GPC4: variants seen among roughly 807,000 people sequenced by gnomAD.
The protein encoded by GPC4 is glypican-4.
A neutral mutation model predicts 35.0 loss-of-function variants in GPC4; 10 were observed. The observed-to-expected ratio is 0.29, with a 90% CI of 0.18 to 0.48. The LOEUF (loss-of-function observed/expected upper bound fraction) is 0.48. Ranked by LOEUF, GPC4 falls within the 20% of genes least tolerant of loss-of-function variation. GPC4 has a pLI of 0.99. For synonymous variants in GPC4, 167 were observed against 170.2 expected, an observed-to-expected ratio of 0.98 and a Z score of 0.15; for missense variants, 322 against 451.3, an observed-to-expected ratio of 0.71 and a Z score of 2.60.
chrX:133,356,133 C>T (rs1053910736), intron 1 of GPC4, among the ~76,000 whole-genome samples: 1 of 112,024 alleles, frequency 8.9e-6, no homozygotes, highest in African/African-American at 3.2e-5. Context: ...TTGTATGGCC[C>T]CTTCAAGTTT....
intron 1 of GPC4, chrX:133,414,548 G>A: frequency 1.3e-6 from 1 of 754,388 alleles, no homozygotes; most frequent in African/African-American, 2.3e-5. Context: ...AGCGGAGCGC[G>A]ACAGTCGCAC....
chrX:133,313,045 TCTGTGTAAGTACC>T (rs1383175762), intron 3 of GPC4, among the ~76,000 whole-genome samples: 1 of 111,999 alleles, frequency 8.9e-6, no homozygotes, highest in Non-Finnish European at 1.9e-5. Flanking sequence ...AGTGCATTCT[TCTGTGTAAGTACC>T]CACCAGTTCT....
intron 1 of GPC4, among the ~76,000 whole-genome samples, chrX:133,396,332 C>T (rs1012445022): frequency 2.7e-5 from 3 of 111,400 alleles, no homozygotes; most frequent in Non-Finnish European, 3.8e-5. Context: ...GTTCAGAAAA[C>T]GACTTAATAC....
intron 1 of GPC4, among the ~76,000 whole-genome samples, chrX:133,370,291 C>G (rs1219437784): frequency 3.6e-5 from 4 of 111,674 alleles, no homozygotes; most frequent in Non-Finnish European, 7.5e-5. Flanking sequence ...ACTGTTAACC[C>G]AAAACAAAAC....
intron 1 of GPC4, among the ~76,000 whole-genome samples, chrX:133,389,102 G>A (rs940525241): frequency 2.7e-5 from 3 of 109,320 alleles, no homozygotes; most frequent in South Asian, 4.1e-4. Context: ...AACTACAGGC[G>A]TGCGCCACTA....
chrX:133,395,573 A>G (rs1352052722), intron 1 of GPC4, among the ~76,000 whole-genome samples: 1 of 111,797 alleles, frequency 8.9e-6, no homozygotes, highest in Non-Finnish European at 1.9e-5. Flanking sequence ...GCAATGAGCC[A>G]AGATCATGCC....
intron 1 of GPC4, among the ~76,000 whole-genome samples, chrX:133,353,932 C>A (rs1033530170): frequency 9.0e-6 from 1 of 111,244 alleles, no homozygotes; most frequent in African/African-American, 3.3e-5. Flanking sequence ...TGGCACGCAG[C>A]ATTACTACTG....
chrX:133,375,473 C>T (rs903016087), intron 1 of GPC4, among the ~76,000 whole-genome samples: 1 of 111,872 alleles, frequency 8.9e-6, no homozygotes, highest in Non-Finnish European at 1.9e-5. Context: ...AGGTAAAAAC[C>T]ATCAAAACTA....
chrX:133,381,240 G>A (rs1391596797), intron 1 of GPC4, among the ~76,000 whole-genome samples: 1 of 112,075 alleles, frequency 8.9e-6, no homozygotes, highest in South Asian at 3.7e-4. Context: ...ATGCAACAAA[G>A]GATATTAGTT....
intron 1 of GPC4, among the ~76,000 whole-genome samples, chrX:133,401,583 GGTT>G (rs893448773): frequency 1.5e-4 from 17 of 112,088 alleles, no homozygotes; most frequent in African/African-American, 4.2e-4. Flanking sequence ...TATTGTGGAA[GGTT>G]GTTATTTCAT....
intron 1 of GPC4, among the ~76,000 whole-genome samples, chrX:133,383,889 TGA>T (rs1164086871): frequency 1.8e-5 from 2 of 111,330 alleles, no homozygotes; most frequent in Non-Finnish European, 3.8e-5. Context: ...AGACTTTGGG[TGA>T]TGATGATGAG....
chrX:133,392,479 T>G, intron 1 of GPC4, among the ~76,000 whole-genome samples: 1 of 106,951 alleles, frequency 9.4e-6, no homozygotes, highest in Non-Finnish European at 1.9e-5. Context: ...AGCTTTTCAA[T>G]GACTTATCAC....
At chrX:133,370,513 G>A (rs1301717586) in intron 1 of GPC4, among the ~76,000 whole-genome samples, 1 of 111,340 alleles carries the variant, frequency 9.0e-6, no homozygotes, top group Non-Finnish European at 1.9e-5. Context: ...CAGGGTTTTT[G>A]TTTGTTTGTT....
chrX:133,373,488 C>T (rs2068621987), intron 1 of GPC4, among the ~76,000 whole-genome samples: 2 of 111,292 alleles, frequency 1.8e-5, no homozygotes, highest in South Asian at 7.7e-4. Context: ...AACAGTATTG[C>T]TTAAGTTCAT....
intron 2 of GPC4, among the ~76,000 whole-genome samples, chrX:133,327,524 T>C (rs1166946488): frequency 2.7e-5 from 3 of 109,920 alleles, no homozygotes; most frequent in Admixed American, 2.0e-4. Flanking sequence ...TACTTTGGAG[T>C]ACAAGAGAAA....
rs2068268442 is a variant in GPC4, at chrX:133,301,932, G to C, written c.*935C>G. 1 of 110,932 alleles carries C rather than the reference G, an allele frequency of 9.0e-6. No individual in the cohort carries two copies. Among genetic ancestry groups the C allele is most frequent in the Admixed American group, 9.6e-5 (1 of 10,398 alleles). The allele number at this position is 110,932 out of a possible 1,213,427, so 9.1% of individuals were successfully genotyped here. A position where few individuals can be genotyped will look rare whatever the true frequency, so the allele number is the denominator to read the frequency against. ...TAACAAAGGATATTAATTCAAATAG[G>C]GTCAGTGTGAACATGAAAACTAGCA... On this transcript the variant is annotated 3_prime_UTR_variant, in exon 9 of 9. Transcript: ENST00000370828.
At chrX:133,313,807 T>C (rs2068326144) in intron 3 of GPC4, among the ~76,000 whole-genome samples, 1 of 112,435 alleles carries the variant, frequency 8.9e-6, no homozygotes, top group African/African-American at 3.2e-5. Flanking sequence ...ATTTCCCAGA[T>C]GTATCACGTT....
rs557359106 is a variant in GPC4 at position 133,327,636 on chromosome X, A to AGTGTGT, written c.320-3106_320-3101dup. Among the ~76,000 whole-genome samples the AGTGTGT allele has an allele frequency of 2.1e-3, 177 of 83,284 alleles. 4 individuals are homozygous for AGTGTGT. Among genetic ancestry groups the AGTGTGT allele is most frequent in the African/African-American group, 7.5e-3 (169 of 22,664 alleles). The allele number at this position is 83,284 out of a possible 115,157, so 72.3% of individuals were successfully genotyped here. On this transcript the variant is annotated intron_variant, in intron 2 of 8. Coordinates refer to ENST00000370828, the MANE Select transcript of GPC4 (RefSeq NM_001448.3). ...CCATGACTCACATTCTGTCCAGGAA[A>AGTGTGT]GTGTGTGTGTGTGTGTGTGTGTGTG... is the stretch of plus-strand genomic sequence containing the variant.
At chrX:133,317,078 T>A (rs982618270) in intron 3 of GPC4, among the ~76,000 whole-genome samples, 2 of 111,800 alleles carry the variant, frequency 1.8e-5, no homozygotes, top group African/African-American at 6.5e-5. Context: ...TATTAACTCA[T>A]ATATCAAAAT....
Sources: gnomAD v4.1 joint callset for allele counts (sites outside exome capture counted in the v4.1 genomes callset) on GRCh38, gnomAD v4.1.1 for gene constraint, MANE v1.5 for transcripts, NCBI Gene and HGNC (gene_info 2026-07-23, HGNC 2026-07-21) for gene names.